NRDE2: variants seen among roughly 807,000 people sequenced by gnomAD.
The protein encoded by NRDE2 is NRDE-2, necessary for RNA interference, domain containing.
Under a neutral mutation model 124.2 loss-of-function variants are expected in NRDE2, and 76 were observed. The observed-to-expected ratio is 0.61, with a 90% CI of 0.51 to 0.74. The LOEUF is 0.74. Among genes scored for constraint, NRDE2 ranks in the 30% least tolerant of loss-of-function variants. The pLI, the probability that NRDE2 is intolerant of heterozygous loss-of-function variation, is 0.00. For synonymous variants in NRDE2, 489 were observed against 528.1 expected (o/e 0.93, Z 1.01); for missense variants, 1,314 against 1,417.3 (o/e 0.93, Z 1.17).
rs1253663983 is a variant in NRDE2 at position 90,331,917 on chromosome 14, T to C, written c.-13A>G. Reference sequence around the variant, plus strand: ...GGAACAGCGCCATGACCACAGGCCGTACCTCCGTTCTTCTCTATAGGGATG... The same window carrying C: ...GGAACAGCGCCATGACCACAGGCCGCACCTCCGTTCTTCTCTATAGGGATG... On this transcript the variant is annotated 5_prime_UTR_variant, in exon 1 of 14. Transcript: ENST00000354366. 6.2e-7 allele frequency: 1 copy of C among 1,614,040 alleles called. No individual in the cohort carries two copies. The highest frequency in any genetic ancestry group is 8.5e-7 in the Non-Finnish European group (1 of 1,180,028).
chr14:90,328,352 C>A (rs561758011), intron 1 of NRDE2, among the ~76,000 whole-genome samples: 1 of 151,764 alleles, frequency 6.6e-6, no homozygotes, highest in East Asian at 1.9e-4. Context: ...GTCTTTCCTG[C>A]CTAACTAAAC....
chr14:90,289,008 C>T lies in NRDE2; in HGVS notation c.2367G>A (p.Leu789=). ...CCTCCGTGTTGCCAAGCAACCACTCCAGATGTGCATACTGCTTCCACAGGC... is the reference window on the plus strand; with the variant it reads ...CCTCCGTGTTGCCAAGCAACCACTCTAGATGTGCATACTGCTTCCACAGGC... ...NFCLWKQYAH[L]EWLLGNTEDA... The change falls in exon 11 of 14, where the codon CTG becomes CTA. Residue 789 remains leucine, a synonymous_variant. Transcript: ENST00000354366. 1 of 1,614,120 alleles carries T rather than the reference C, an allele frequency of 6.2e-7. No homozygotes were observed. The highest frequency in any genetic ancestry group is 8.5e-7 in the Non-Finnish European group (1 of 1,179,954).
intron 6 of NRDE2, among the ~76,000 whole-genome samples, chr14:90,302,379 T>G (rs1884435782): frequency 6.6e-6 from 1 of 152,234 alleles, no homozygotes. Context: ...CGGACATTAC[T>G]GCCTGGGACC....
Position 90,269,631 on chromosome 14 carries a change from G to A in NRDE2, c.*8705C>T. 1 of 1,473,326 alleles carries A rather than the reference G, an allele frequency of 6.8e-7. No individual in the cohort carries two copies. Among genetic ancestry groups the A allele is most frequent in the Non-Finnish European group, 9.2e-7 (1 of 1,087,692 alleles). The allele number at this position is 1,473,326 out of a possible 1,614,324, so 91.3% of individuals were successfully genotyped here. ...GTGTGCTTTGGGAGGCCTATAAAAT[G>A]ATACATAAAAAAGCAAATACTGCAG... On this transcript the variant is annotated 3_prime_UTR_variant, in exon 14 of 14. Coordinates refer to ENST00000354366, the MANE Select transcript of NRDE2 (RefSeq NM_017970.4).
chr14:90,314,157 A>G (rs1326321878), intron 3 of NRDE2, among the ~76,000 whole-genome samples: 1 of 152,200 alleles, frequency 6.6e-6, no homozygotes, highest in African/African-American at 2.4e-5. Context: ...CCTGAAGGTG[A>G]GGGAAAGCTC....
At chr14:90,316,848 A>G in intron 2 of NRDE2, 37 bp from the exon 3 acceptor site, 1 of 1,359,428 alleles carries the variant, frequency 7.4e-7, no homozygotes, top group Non-Finnish European at 1.0e-6. Context: ...TACTTTCTAA[A>G]AAGATGTAGG....
intron 4 of NRDE2, among the ~76,000 whole-genome samples, chr14:90,306,647 C>T (rs1437463294): frequency 1.3e-5 from 2 of 152,016 alleles, no homozygotes; most frequent in Admixed American, 6.5e-5. Context: ...CCCGTCTCTA[C>T]TAACTATACA....
In NRDE2 at chr14:90,303,969, T is replaced by A. The variant is rs1193478825; in HGVS notation, c.971A>T (p.Asp324Val). ...FNRRVRENPR[D>V]TQLWMAFVAF... The stretch of plus-strand genomic sequence containing the variant: ...AACAAATGCCATCCACAGCTGCGTA[T>A]CCCGAGGATTCTCCCGCACCCTCCT... The change falls in exon 5 of 14, where the codon GAT becomes GTT. Residue 324 changes from aspartate to valine, a missense_variant. Transcript: ENST00000354366. 1.2e-6 allele frequency: 2 copies of A among 1,613,060 alleles called. No homozygotes were observed. The highest frequency in any genetic ancestry group is 1.7e-6 in the Non-Finnish European group (2 of 1,179,374).
At chr14:90,318,182 C>A in intron 1 of NRDE2, 69 bp from the exon 2 acceptor site, 1 of 1,247,286 alleles carries the variant, frequency 8.0e-7, no homozygotes, top group Non-Finnish European at 1.2e-6. Flanking sequence ...GAGATCTATC[C>A]ATCTTATCAG....
At chr14:90,284,589 G>C (rs912426851) in intron 12 of NRDE2, among the ~76,000 whole-genome samples, 1 of 151,804 alleles carries the variant, frequency 6.6e-6, no homozygotes, top group Non-Finnish European at 1.5e-5. Flanking sequence ...GGCTGGTCTC[G>C]AACTCCTGAC....
intron 12 of NRDE2, chr14:90,279,518 TTA>T: frequency 5.9e-6 from 1 of 169,018 alleles, no homozygotes; most frequent in East Asian, 1.7e-4. Context: ...TCTACAATAC[TTA>T]TCTTAGAAAA....
At chr14:90,320,070 T>C (rs1246990302) in intron 1 of NRDE2, among the ~76,000 whole-genome samples, 2 of 152,248 alleles carry the variant, frequency 1.3e-5, no homozygotes, top group Admixed American at 6.5e-5. Context: ...TAATGACTAA[T>C]GATGCTGAAC....
rs572653344 is a variant in NRDE2, at chr14:90,286,168, C to T, written c.3297+186G>A. Among the ~76,000 whole-genome samples, 135 of 152,290 alleles carry T rather than the reference C, an allele frequency of 8.9e-4. 1 individual carries two copies. The highest frequency in any genetic ancestry group is 3.1e-3 in the African/African-American group (128 of 41,562). On this transcript the variant is annotated intron_variant, in intron 12 of 13. Transcript: ENST00000354366. ...ACTACTTGCAACCTCTTCCCAAGTCCTGAGAGATCTGACATTATTCCATCA... is the reference window on the plus strand; with the variant it reads ...ACTACTTGCAACCTCTTCCCAAGTCTTGAGAGATCTGACATTATTCCATCA...
intron 7 of NRDE2, among the ~76,000 whole-genome samples, chr14:90,298,821 A>G (rs1952476): frequency 0.95 from 144,613 of 152,246 alleles, 69,063 homozygotes; most frequent in East Asian, 1. Context: ...TTCACCTAGT[A>G]TCACTGGACC....
intron 12 of NRDE2, 73 bp downstream of exon 12, chr14:90,286,281 A>G: frequency 6.5e-7 from 1 of 1,528,130 alleles, no homozygotes. Context: ...TTCTCATTTC[A>G]TAAATACCTT....
intron 6 of NRDE2, among the ~76,000 whole-genome samples, chr14:90,302,011 G>C (rs1566691910): frequency 6.6e-6 from 1 of 152,116 alleles, no homozygotes; most frequent in Admixed American, 6.6e-5. Context: ...TCAATAACAG[G>C]GGTTGTGATC....
chr14:90,323,904 A>G (rs920529255), intron 1 of NRDE2, among the ~76,000 whole-genome samples: 3 of 152,128 alleles, frequency 2.0e-5, no homozygotes, highest in African/African-American at 7.2e-5. Flanking sequence ...GTAATTTTTT[A>G]CTGACAGCCA....
Position 90,275,546 on chromosome 14 carries a change from G to A in NRDE2, c.*2790C>T, listed in dbSNP as rs1056814200. The A allele has an allele frequency of 2.0e-5, 3 of 152,192 alleles. No individual in the cohort carries two copies. Among genetic ancestry groups the A allele is most frequent in the Non-Finnish European group, 4.4e-5 (3 of 68,052 alleles). The allele number at this position is 152,192 out of a possible 1,614,324, so 9.4% of individuals were successfully genotyped here. On this transcript the variant is annotated 3_prime_UTR_variant, in exon 14 of 14. Coordinates refer to ENST00000354366, the MANE Select transcript of NRDE2 (RefSeq NM_017970.4). ...TAAAGCAAATGCCAGGGCCTAGAGT[G>A]TCAGGGTAGCGGGCTGAACTGCGCC...
intron 1 of NRDE2, among the ~76,000 whole-genome samples, chr14:90,329,996 T>C (rs940409876): frequency 6.7e-6 from 1 of 150,256 alleles, no homozygotes; most frequent in Non-Finnish European, 1.5e-5. Flanking sequence ...CACTTAAAGT[T>C]AGGAGTTCGA....
Sources: gnomAD v4.1 joint callset for allele counts (sites outside exome capture counted in the v4.1 genomes callset) on GRCh38, gnomAD v4.1.1 for gene constraint, MANE v1.5 for transcripts, NCBI Gene and HGNC (gene_info 2026-07-23, HGNC 2026-07-21) for gene names.